CAMTA1: variants seen among roughly 807,000 people sequenced by gnomAD.
The protein encoded by CAMTA1 is calmodulin-binding transcription activator 1.
In CAMTA1, 27 loss-of-function variants were observed where a neutral mutation model predicts 170.9. The ratio of observed to expected loss-of-function variants is 0.16; its 90% CI spans 0.12 to 0.22. The LOEUF is 0.22. CAMTA1 is among the 10% of genes least tolerant of loss of function. The pLI is 1.00. For synonymous variants in CAMTA1, 833 were observed against 891.5 expected (o/e 0.93, Z 1.17); for missense variants, 1,619 against 2,217.2 (o/e 0.73, Z 5.42).
intron 6 of CAMTA1, among the ~76,000 whole-genome samples, chr1:7,590,766 G>T (rs568702924): frequency 5.4e-4 from 83 of 152,334 alleles, no homozygotes; most frequent in African/African-American, 1.9e-3. Context: ...ACTGGGCAGT[G>T]GGTGTCAGAC....
intron 3 of CAMTA1, among the ~76,000 whole-genome samples, chr1:6,830,510 A>AT: frequency 6.6e-6 from 1 of 151,466 alleles, no homozygotes; most frequent in East Asian, 1.9e-4. Flanking sequence ...TGCCTGGCTA[A>AT]TTTTGTATTC....
intron 3 of CAMTA1, among the ~76,000 whole-genome samples, chr1:6,988,105 G>A (rs949759188): frequency 1.3e-5 from 2 of 152,140 alleles, no homozygotes; most frequent in Non-Finnish European, 2.9e-5. Context: ...CCTAAGTTCC[G>A]TTTTCGTGTC....
At chr1:7,165,440 CT>C (rs1377483788) in intron 4 of CAMTA1, among the ~76,000 whole-genome samples, 1 of 151,794 alleles carries the variant, frequency 6.6e-6, no homozygotes, top group Non-Finnish European at 1.5e-5. Context: ...CTTTTCTTTT[CT>C]TTTTTTTGGA....
chr1:7,632,985 GGGCCA>G (rs2148873724), intron 6 of CAMTA1, among the ~76,000 whole-genome samples: 1 of 152,364 alleles, frequency 6.6e-6, no homozygotes, highest in South Asian at 2.1e-4. Flanking sequence ...GCGCTGCTGG[GGGCCA>G]GGCCCGTCCT....
At chr1:7,716,724 A>G (rs760111888) in intron 11 of CAMTA1, among the ~76,000 whole-genome samples, 8 of 152,160 alleles carry the variant, frequency 5.3e-5, no homozygotes, top group Non-Finnish European at 1.0e-4. Context: ...ATGTATGGAG[A>G]ATGAGCTTGG....
chr1:6,843,735 T>G (rs1478847016), intron 3 of CAMTA1, among the ~76,000 whole-genome samples: 1 of 152,160 alleles, frequency 6.6e-6, no homozygotes, highest in Non-Finnish European at 1.5e-5. Context: ...CTGCCTCAGC[T>G]TCCCAAAGTG....
intron 4 of CAMTA1, among the ~76,000 whole-genome samples, chr1:7,132,680 C>A (rs1645331553): frequency 6.6e-6 from 1 of 152,078 alleles, no homozygotes; most frequent in African/African-American, 2.4e-5. Context: ...TTCTGCATGC[C>A]TTTTATCCAA....
At chr1:7,129,089 C>T (rs960363272) in intron 4 of CAMTA1, among the ~76,000 whole-genome samples, 5 of 152,030 alleles carry the variant, frequency 3.3e-5, no homozygotes, top group African/African-American at 7.3e-5. Context: ...CCACCCACCT[C>T]GGCTTCCCAA....
intron 5 of CAMTA1, among the ~76,000 whole-genome samples, chr1:7,292,230 G>A (rs562380964): frequency 2.8e-4 from 42 of 152,278 alleles, no homozygotes; most frequent in African/African-American, 1.0e-3. Context: ...GAGCTAGAGG[G>A]AAGGCTTATT....
chr1:7,232,500 C>T (rs972047185), intron 4 of CAMTA1, among the ~76,000 whole-genome samples: 1 of 152,206 alleles, frequency 6.6e-6, no homozygotes. Flanking sequence ...GGGTTATCTT[C>T]TTTACAGCCA....
At chr1:7,737,072 G>A in intron 14 of CAMTA1, 63 bp downstream of exon 14, 5 of 1,426,132 alleles carry the variant, frequency 3.5e-6, no homozygotes, top group Non-Finnish European at 4.9e-6. Flanking sequence ...GGATTTGCCT[G>A]GTTCCCACCG....
rs569056379 is a variant in CAMTA1 at position 7,065,093 on chromosome 1, C to T, written c.235-26211C>T. Among the ~76,000 whole-genome samples, 7 of 152,188 alleles carry T rather than the reference C, an allele frequency of 4.6e-5. No individual in the cohort carries two copies. The highest frequency in any genetic ancestry group is 1.0e-4 in the Non-Finnish European group (7 of 68,028). On this transcript the variant is annotated intron_variant, in intron 3 of 22. Transcript: ENST00000303635. This position sits in a 1 kb window ranked among gnomAD's most constrained non-coding sequence, Gnocchi z 5.2. ...TGTTGCACACGTTACATGTGGGATG[C>T]TCTTTATACAGCCAAATGGGGAGGC... is the stretch of plus-strand genomic sequence containing the variant.
intron 6 of CAMTA1, among the ~76,000 whole-genome samples, chr1:7,601,707 G>A (rs540979561): frequency 7.9e-5 from 12 of 152,382 alleles, no homozygotes; most frequent in African/African-American, 2.6e-4. Context: ...GGGAGGCCGA[G>A]GCTGGCGGAT....
chr1:7,527,799 T>G (rs1263768158), intron 6 of CAMTA1, among the ~76,000 whole-genome samples: 2 of 152,178 alleles, frequency 1.3e-5, no homozygotes, highest in East Asian at 3.8e-4. Flanking sequence ...GCCCCACAAG[T>G]GGCTGCGGTT....
intron 11 of CAMTA1, among the ~76,000 whole-genome samples, chr1:7,729,354 A>G (rs1162344589): frequency 6.6e-6 from 1 of 152,096 alleles, no homozygotes; most frequent in Non-Finnish European, 1.5e-5. Flanking sequence ...TCCTGACCTC[A>G]AGTGATCTGT....
At chr1:7,662,154 G>T (rs917962247) in intron 8 of CAMTA1, among the ~76,000 whole-genome samples, 1 of 152,224 alleles carries the variant, frequency 6.6e-6, no homozygotes, top group African/African-American at 2.4e-5. Context: ...TTGGGGAAGC[G>T]AGGAGCTCTG....
chr1:7,703,766 G>C lies in CAMTA1; in HGVS notation c.2914+26033G>C, dbSNP rs1238376648. ...TCTTGGGGTCAGGCACTTTCTCTGT[G>C]CGAGGCCGTGGGACTGCAAACAGCA... On this transcript the variant is annotated intron_variant, in intron 11 of 22. Transcript: ENST00000303635. Among the ~76,000 whole-genome samples the C allele has an allele frequency of 3.9e-5, 6 of 152,186 alleles. No homozygotes were observed. In the East Asian group the frequency reaches 1.2e-3, roughly 29 times the overall value.
chr1:7,158,394 T>C (rs1647019532), intron 4 of CAMTA1, among the ~76,000 whole-genome samples: 1 of 152,348 alleles, frequency 6.6e-6, no homozygotes. Context: ...AGTAACTTTC[T>C]TGAGTGAGTA....
rs1052148554 is a variant in CAMTA1 at position 7,642,161 on chromosome 1, G to A, written c.664+1608G>A. Among the ~76,000 whole-genome samples, 7 of 152,134 alleles carry A rather than the reference G, an allele frequency of 4.6e-5. No homozygotes were observed. The highest frequency in any genetic ancestry group is 8.8e-5 in the Non-Finnish European group (6 of 68,008). ...TGCCCTGGCCTCCTCGAGCCCCCACGGGGGAGATGTCAGCTTCCCGCGCTT... is the reference window on the plus strand; with the variant it reads ...TGCCCTGGCCTCCTCGAGCCCCCACAGGGGAGATGTCAGCTTCCCGCGCTT... On this transcript the variant is annotated intron_variant, in intron 7 of 22. Coordinates refer to ENST00000303635, the MANE Select transcript of CAMTA1 (RefSeq NM_015215.4). This position sits in a 1 kb window ranked among gnomAD's most constrained non-coding sequence, Gnocchi z 6.3.
Sources: gnomAD v4.1 joint callset for allele counts (sites outside exome capture counted in the v4.1 genomes callset) on GRCh38, gnomAD v4.1.1 for gene constraint, Gnocchi (gnomAD v3.1) non-coding constraint, MANE v1.5 for transcripts, NCBI Gene and HGNC (gene_info 2026-07-23, HGNC 2026-07-21) for gene names.